Variants in ABCA12 observed in about 807,000 individuals in gnomAD.
ABCA12 encodes glucosylceramide transporter ABCA12.
A neutral mutation model predicts 293.5 loss-of-function variants in ABCA12; 156 were observed. The ratio of observed to expected loss-of-function variants is 0.53; its 90% CI spans 0.47 to 0.61. The LOEUF is 0.61. Among genes scored for constraint, ABCA12 ranks in the 20% least tolerant of loss-of-function variants. ABCA12 has a pLI of 0.00. For synonymous variants in ABCA12, 1,063 were observed against 1,108.0 expected, an observed-to-expected ratio of 0.96 and a Z score of 0.81; for missense variants, 2,797 against 3,090.2, an observed-to-expected ratio of 0.91 and a Z score of 2.25.
chr2:215,048,524 A>C (rs1575009488), intron 6 of ABCA12, among the ~76,000 whole-genome samples: 1 of 144,278 alleles, frequency 6.9e-6, no homozygotes, highest in Non-Finnish European at 1.5e-5. Context: ...GCAAAACCCT[A>C]TCTCTACTAA....
chr2:214,953,082 T>C (rs1012447341), intron 44 of ABCA12, among the ~76,000 whole-genome samples: 2 of 152,222 alleles, frequency 1.3e-5, no homozygotes, highest in African/African-American at 4.8e-5. Context: ...TAAATATTTC[T>C]TTTCTTTTTA....
chr2:214,997,945 T>C (rs985933259), intron 22 of ABCA12, 136 bp from the exon 23 acceptor site: 2 of 636,406 alleles, frequency 3.1e-6, no homozygotes, highest in African/African-American at 3.7e-5. Context: ...ATAATCGGTA[T>C]TACCCCATTA....
In ABCA12 at chr2:215,138,172, A is replaced by G. The variant is rs772837712; in HGVS notation, c.37T>C (p.Trp13Arg). 1 of 1,614,080 alleles carries G rather than the reference A, an allele frequency of 6.2e-7. No homozygotes were observed. Among genetic ancestry groups the G allele is most frequent in the Non-Finnish European group, 8.5e-7 (1 of 1,180,016 alleles). Residue 13 changes from tryptophan to arginine, a missense_variant, in exon 1 of 53, where the codon TGG becomes CGG. Physicochemically the swap from Trp to Arg is moderately radical, Grantham distance 101. Around this residue, in one of 3 missense-constraint regions of ABCA12, gnomAD observed 11 missense variants for 25.0 expected, o/e 0.44. Coordinates refer to ENST00000272895, the MANE Select transcript of ABCA12 (RefSeq NM_173076.3). The stretch of plus-strand genomic sequence containing the variant: ...CTTTTTACACCTAGCCAATTTTTCC[A>G]GACCAGGATCTGAAGCTGATGAAAC... The part of the protein sequence containing the change: ...SLFHQLQILV[W>R]KNWLGVKRQP...
At chr2:215,131,590 T>C (rs917980483) in intron 1 of ABCA12, among the ~76,000 whole-genome samples, 1 of 151,912 alleles carries the variant, frequency 6.6e-6, no homozygotes, top group African/African-American at 2.4e-5. Flanking sequence ...GTCATCTTTA[T>C]CATTTCTAGT....
At chr2:215,064,494 A>G (rs1701600507) in intron 2 of ABCA12, among the ~76,000 whole-genome samples, 1 of 152,084 alleles carries the variant, frequency 6.6e-6, no homozygotes, top group African/African-American at 2.4e-5. Context: ...GATTTATTCT[A>G]AGGAAATACT....
rs528612059 is a variant in ABCA12, at chr2:215,050,910, T to C, written c.508-1099A>G. The stretch of plus-strand genomic sequence containing the variant: ...TCAATATATCATCCTAATTTTTACA[T>C]CCCTTCCCTGCTCCAACTACTCTAA... On this transcript the variant is annotated intron_variant, in intron 5 of 52. Coordinates refer to ENST00000272895, the MANE Select transcript of ABCA12 (RefSeq NM_173076.3). The C allele has an allele frequency of 3.1e-5, 21 of 669,284 alleles. No individual in the cohort carries two copies. The East Asian group carries it at 6.8e-4, about 22-fold the overall frequency. The allele number at this position is 669,284 out of a possible 1,614,324, so 41.5% of individuals were successfully genotyped here. A position where few individuals can be genotyped will look rare whatever the true frequency, so the allele number is the denominator to read the frequency against.
intron 6 of ABCA12, among the ~76,000 whole-genome samples, chr2:215,046,465 T>TTA (rs946901770): frequency 6.8e-6 from 1 of 147,644 alleles, no homozygotes; most frequent in Non-Finnish European, 1.5e-5. Context: ...GGATAGATTT[T>TTA]TATATATATA....
At chr2:215,041,256 A>G (rs1701094248) in intron 7 of ABCA12, among the ~76,000 whole-genome samples, 1 of 152,190 alleles carries the variant, frequency 6.6e-6, no homozygotes, top group African/African-American at 2.4e-5. Context: ...AAAATTTACC[A>G]AAAGAATACA....
intron 2 of ABCA12, among the ~76,000 whole-genome samples, chr2:215,110,547 A>G (rs1305162907): frequency 6.6e-6 from 1 of 152,172 alleles, no homozygotes; most frequent in Non-Finnish European, 1.5e-5. Context: ...ATAAGGTACT[A>G]TTTAAATGTA....
intron 29 of ABCA12, 106 bp downstream of exon 29, chr2:214,983,541 G>A (rs111899606): frequency 4.1e-5 from 41 of 993,350 alleles, no homozygotes; most frequent in Admixed American, 2.1e-4. Context: ...TAATTATTTC[G>A]TGAGAAAATA....
In ABCA12 at chr2:214,989,478, C is replaced by G. The variant is rs754343719; in HGVS notation, c.3695-15G>C. The G allele has an allele frequency of 6.2e-7, 1 of 1,613,752 alleles. No homozygotes were observed. The highest frequency in any genetic ancestry group is 1.3e-5 in the African/African-American group (1 of 74,956). On this transcript the variant is annotated splice_polypyrimidine_tract_variant and intron_variant, in intron 25 of 52. Coordinates refer to ENST00000272895, the MANE Select transcript of ABCA12 (RefSeq NM_173076.3). ...CCACTGAAGACCTAAAAAGTGAACA[C>G]AAGTGTTTATTCTTCTGTGACACAC...
At chr2:215,097,059 T>C (rs886119243) in intron 2 of ABCA12, among the ~76,000 whole-genome samples, 44 of 152,190 alleles carry the variant, frequency 2.9e-4, no homozygotes, top group African/African-American at 1.0e-3. Context: ...ATCAAATAAA[T>C]GCATACTTAG....
chr2:214,968,591 G>A, intron 38 of ABCA12, 129 bp downstream of exon 38: 1 of 845,528 alleles, frequency 1.2e-6, no homozygotes, highest in Non-Finnish European at 2.0e-6. Context: ...TGGAACCACT[G>A]TGCCCTGGGT....
At chr2:214,998,751 A>G (rs921779433) in intron 22 of ABCA12, among the ~76,000 whole-genome samples, 2 of 152,158 alleles carry the variant, frequency 1.3e-5, no homozygotes, top group Non-Finnish European at 2.9e-5. Flanking sequence ...TTTTTAAACA[A>G]CTTCCCAGGT....
Position 214,950,977 on chromosome 2 carries a change from C to CA in ABCA12, c.6753dup (p.Asp2252Ter). 6.2e-7 allele frequency: 1 copy of CA among 1,614,150 alleles called. No individual in the cohort carries two copies. The highest frequency in any genetic ancestry group is 1.3e-5 in the African/African-American group (1 of 75,038). On this transcript the variant is annotated frameshift_variant, in exon 45 of 53. Coordinates refer to ENST00000272895, the MANE Select transcript of ABCA12 (RefSeq NM_173076.3). LOFTEE classifies it high-confidence loss of function. ...GTGAGACAATAAAGTTGGACCAAGT[C>CA]AAATTCAGCTGCACCACTCTCAACT...
chr2:215,004,134 TG>T, intron 20 of ABCA12, 74 bp downstream of exon 20: 1 of 1,298,894 alleles, frequency 7.7e-7, no homozygotes, highest in Non-Finnish European at 1.1e-6. Flanking sequence ...GGGGGGAAAA[TG>T]TAATCATATG....
rs989035481 is a variant in ABCA12 at position 215,134,419 on chromosome 2, C to T, written c.69+3721G>A. On this transcript the variant is annotated intron_variant, in intron 1 of 52. Coordinates refer to ENST00000272895, the MANE Select transcript of ABCA12 (RefSeq NM_173076.3). The stretch of plus-strand genomic sequence containing the variant: ...ATATGTGTATATATGTATATATGTA[C>T]ATATATGTATATGTGTATATATACG... Among the ~76,000 whole-genome samples the T allele has an allele frequency of 4.5e-5, 6 of 132,558 alleles. No homozygotes were observed. In the South Asian group the frequency reaches 6.9e-4, roughly 15 times the overall value. The allele number at this position is 132,558 out of a possible 152,430, so 87.0% of individuals were successfully genotyped here. A position where few individuals can be genotyped will look rare whatever the true frequency, so the allele number is the denominator to read the frequency against.
intron 21 of ABCA12, among the ~76,000 whole-genome samples, chr2:215,001,236 G>A (rs1700139208): frequency 6.6e-6 from 1 of 152,090 alleles, no homozygotes; most frequent in Non-Finnish European, 1.5e-5. Context: ...CAACTAAGTA[G>A]ACAGATTAAA....
At chr2:215,050,123 C>T (rs12468887) in intron 5 of ABCA12, among the ~76,000 whole-genome samples, 48,436 of 152,022 alleles carry the variant, frequency 0.32, 9,887 homozygotes, top group African/African-American at 0.58. Flanking sequence ...AAAATCTTCA[C>T]GCATAAAAAT....
Sources: gnomAD v4.1 joint callset for allele counts (sites outside exome capture counted in the v4.1 genomes callset) on GRCh38, gnomAD v4.1.1 for gene constraint, gnomAD v4.1.1 regional missense constraint, MANE v1.5 for transcripts, NCBI Gene and HGNC (gene_info 2026-07-23, HGNC 2026-07-21) for gene names.